The following PHYH variants were observed in gnomAD, a reference collection of about 807,000 sequenced individuals.
The protein encoded by PHYH is phytanoyl-CoA dioxygenase, peroxisomal.
Under a neutral mutation model 38.5 loss-of-function variants are expected in PHYH, and 32 were observed. The ratio of observed to expected loss-of-function variants is 0.83; its 90% CI spans 0.63 to 1.12. PHYH has a LOEUF of 1.12. Among genes scored for constraint, PHYH ranks in the 50% most tolerant of loss-of-function variants. PHYH has a pLI of 0.00. For synonymous variants in PHYH, 166 were observed against 157.9 expected (o/e 1.05, Z -0.38); for missense variants, 426 against 434.8 (o/e 0.98, Z 0.18).
chr10:13,284,104 C>CT (rs990769054), intron 6 of PHYH, among the ~76,000 whole-genome samples: 40 of 152,224 alleles, frequency 2.6e-4, no homozygotes, highest in Admixed American at 9.8e-4. Flanking sequence ...GGGAGAATTG[C>CT]TTATGCTCAG....
rs200699503 is a variant in PHYH, at chr10:13,278,383, T to C, written c.964-29A>G. On this transcript the variant is annotated intron_variant, in intron 8 of 8. Coordinates refer to ENST00000263038, the MANE Select transcript of PHYH (RefSeq NM_006214.4). ...GAAATAATATCAAACAGAGTGGGTT[T>C]ATGGAACACTTCAATCTGCCCTCCA... 1.8e-4 allele frequency: 269 copies of C among 1,520,400 alleles called. No individual in the cohort carries two copies. In the Middle Eastern group the frequency reaches 2.5e-3, roughly 14 times the overall value. The allele number at this position is 1,520,400 out of a possible 1,614,324, so 94.2% of individuals were successfully genotyped here. A position where few individuals can be genotyped will look rare whatever the true frequency, so the allele number is the denominator to read the frequency against.
chr10:13,297,190 A>G (rs1307870323), intron 2 of PHYH, among the ~76,000 whole-genome samples: 1 of 151,488 alleles, frequency 6.6e-6, no homozygotes, highest in Non-Finnish European at 1.5e-5. Context: ...AATACATATG[A>G]TTTTTCAGAT....
intron 4 of PHYH, among the ~76,000 whole-genome samples, chr10:13,292,309 C>G (rs1194904034): frequency 6.6e-6 from 1 of 152,148 alleles, no homozygotes; most frequent in Non-Finnish European, 1.5e-5. Context: ...TCATGAATAG[C>G]CCGGAAGAAA....
chr10:13,292,283 A>T (rs1365371917), intron 4 of PHYH, among the ~76,000 whole-genome samples: 3 of 152,220 alleles, frequency 2.0e-5, no homozygotes, highest in African/African-American at 7.2e-5. Context: ...GAAGAGTCCC[A>T]TACAATTCAC....
chr10:13,296,099 C>T lies in PHYH; in HGVS notation c.135-493G>A, dbSNP rs1452796237. 5.3e-5 allele frequency among the ~76,000 whole-genome samples: 8 copies of T among 151,658 alleles called. No individual in the cohort carries two copies. In the South Asian group the frequency reaches 8.3e-4, roughly 16 times the overall value. On this transcript the variant is annotated intron_variant, in intron 2 of 8. Coordinates refer to ENST00000263038, the MANE Select transcript of PHYH (RefSeq NM_006214.4). The stretch of plus-strand genomic sequence containing the variant: ...AGGAAAATCGCTTGAACTTGGGAGG[C>T]GGAGGTTGCAGTGAGCTCTGATCAT...
chr10:13,292,186 T>C (rs941741629), intron 4 of PHYH, among the ~76,000 whole-genome samples: 16 of 152,278 alleles, frequency 1.1e-4, no homozygotes, highest in Admixed American at 4.6e-4. Flanking sequence ...CGATGAGATA[T>C]TAATATAGCT....
intron 5 of PHYH, 28 bp from the exon 6 acceptor site, chr10:13,288,569 T>C: frequency 6.2e-7 from 1 of 1,611,952 alleles, no homozygotes; most frequent in Non-Finnish European, 8.5e-7. Flanking sequence ...TACTAAAGGA[T>C]ACTCGAGGCC....
At chr10:13,281,140 G>A (rs1314064132) in intron 7 of PHYH, 30 bp from the exon 8 acceptor site, 1 of 1,613,044 alleles carries the variant, frequency 6.2e-7, no homozygotes, top group South Asian at 1.1e-5. Flanking sequence ...TGATATTGGA[G>A]AAAAACATCC....
At chr10:13,282,030 G>C (rs1483492603) in intron 7 of PHYH, among the ~76,000 whole-genome samples, 1 of 152,114 alleles carries the variant, frequency 6.6e-6, no homozygotes, top group African/African-American at 2.4e-5. Context: ...AGGATCACTT[G>C]AGGCCAGGAG....
In PHYH at chr10:13,281,059, C is replaced by A. The variant is rs767383443; in HGVS notation, c.880G>T (p.Gly294Cys). The A allele has an allele frequency of 6.2e-7, 1 of 1,613,994 alleles. No homozygotes were observed. The highest frequency in any genetic ancestry group is 1.1e-5 in the South Asian group (1 of 91,078). ...TTCTCGATGTTTTCTTGACTGGTGC[C>A]CTTCACGTCAATGTAGTGGCAATCG... Reference protein sequence around the residue: ...SADCHYIDVKGTSQENIEKEV... With the variant: ...SADCHYIDVKCTSQENIEKEV... Residue 294 changes from glycine (G) to cysteine (C), a missense_variant, in exon 8 of 9, where the codon GGC becomes TGC. Gly to Cys is a radical substitution (Grantham distance 159). Coordinates refer to ENST00000263038, the MANE Select transcript of PHYH (RefSeq NM_006214.4).
At chr10:13,284,516 TGA>T (rs942146868) in intron 6 of PHYH, among the ~76,000 whole-genome samples, 33 of 152,152 alleles carry the variant, frequency 2.2e-4, no homozygotes, top group Non-Finnish European at 3.5e-4. Context: ...CCTGAAACTG[TGA>T]GTGTTCCCAG....
At position 13,288,435 on chromosome 10, in the gene PHYH, C is replaced by G; in HGVS notation, c.603G>C (p.Arg201=). 6.2e-7 allele frequency: 1 copy of G among 1,614,168 alleles called. No homozygotes were observed. Among genetic ancestry groups the G allele is most frequent in the Non-Finnish European group, 8.5e-7 (1 of 1,180,010 alleles). ...GGAGCACAACCAGACAGCCGTTGTT[C>G]CGGCTGATGTGCTCCATCGCCGTCC... ...CAWTAMEHIS[R]NNGCLVVLPG... Residue 201 remains arginine (R), a synonymous_variant, in exon 6 of 9, where the codon CGG becomes CGC. Coordinates refer to ENST00000263038, the MANE Select transcript of PHYH (RefSeq NM_006214.4).
At chr10:13,291,251 C>A (rs144235872) in intron 5 of PHYH, among the ~76,000 whole-genome samples, 30 of 152,176 alleles carry the variant, frequency 2.0e-4, no homozygotes, top group African/African-American at 7.0e-4. Flanking sequence ...AGCTTAGAGA[C>A]GTCGAATGGC....
chr10:13,283,834 T>TC lies in PHYH; in HGVS notation c.683dup (p.Val229SerfsTer2), dbSNP rs767403321. ...GGATCCCGTGGAACATTTTGTTAACTCCCCCCTAGAACAAGAGGCAAGTGA... is the reference window on the plus strand; with the variant it reads ...GGATCCCGTGGAACATTTTGTTAACTCCCCCCCTAGAACAAGAGGCAAGTGA... On this transcript the variant is annotated frameshift_variant, in exon 7 of 9. Coordinates refer to ENST00000263038, the MANE Select transcript of PHYH (RefSeq NM_006214.4). LOFTEE classifies it high-confidence loss of function. The TC allele has an allele frequency of 1.1e-5, 18 of 1,613,252 alleles. No homozygotes were observed. Among genetic ancestry groups the TC allele is most frequent in the East Asian group, 8.9e-5 (4 of 44,872 alleles).
chr10:13,296,427 A>C (rs554052430), intron 2 of PHYH, among the ~76,000 whole-genome samples: 7 of 151,358 alleles, frequency 4.6e-5, no homozygotes, highest in South Asian at 4.2e-4. Context: ...AAATACAAAA[A>C]TTAGCGTGCC....
rs866528203 is a variant in PHYH at position 13,291,824 on chromosome 10, C to T, written c.496+7G>A. 1 of 1,592,982 alleles carries T rather than the reference C, an allele frequency of 6.3e-7. No individual in the cohort carries two copies. Among genetic ancestry groups the T allele is most frequent in the African/African-American group, 1.3e-5 (1 of 74,464 alleles). Reference sequence around the variant, plus strand: ...AACCATTTTTTTTTCTTCTCCCTTACAATTACCAGAATCTGGAGGTTTGTT... The same window carrying T: ...AACCATTTTTTTTTCTTCTCCCTTATAATTACCAGAATCTGGAGGTTTGTT... On this transcript the variant is annotated splice_region_variant and intron_variant, in intron 5 of 8. Transcript: ENST00000263038.
At chr10:13,287,827 C>T (rs1345699776) in intron 6 of PHYH, among the ~76,000 whole-genome samples, 1 of 152,164 alleles carries the variant, frequency 6.6e-6, no homozygotes, top group African/African-American at 2.4e-5. Flanking sequence ...GCAGCTAGGA[C>T]TTACAATCTC....
chr10:13,291,758 C>T, intron 5 of PHYH, 73 bp downstream of exon 5: 1 of 959,896 alleles, frequency 1.0e-6, no homozygotes, highest in East Asian at 2.4e-5. Context: ...GGATTACAGG[C>T]ATGAGTTACT....
chr10:13,299,193 C>A (rs1832672274), intron 1 of PHYH, among the ~76,000 whole-genome samples: 2 of 151,358 alleles, frequency 1.3e-5, no homozygotes, highest in Non-Finnish European at 2.9e-5. Flanking sequence ...TCCTTTCTAT[C>A]CGGTAACTGC....
Sources: allele counts gnomAD v4.1 joint callset (sites outside exome capture counted in the v4.1 genomes callset), GRCh38; gene constraint gnomAD v4.1.1; transcripts MANE v1.5; gene names NCBI Gene and HGNC (gene_info 2026-07-23, HGNC 2026-07-21).